The following CACNA1E variants were observed in gnomAD, a reference collection of about 807,000 sequenced individuals.
CACNA1E encodes voltage-dependent R-type calcium channel subunit alpha-1E.
CACNA1E carries 40 observed loss-of-function variants against 259.2 expected under a neutral mutation model. The ratio of observed to expected loss-of-function variants is 0.15; its 90% CI spans 0.12 to 0.20. The LOEUF (loss-of-function observed/expected upper bound fraction) is 0.20. Ranked by LOEUF, CACNA1E falls within the 10% of genes least tolerant of loss-of-function variation. CACNA1E has a pLI of 1.00. For synonymous variants in CACNA1E, 1,104 were observed against 1,138.5 expected (o/e 0.97, Z 0.61); for missense variants, 1,874 against 3,040.1 (o/e 0.62, Z 9.02).
rs138133949 is a variant in CACNA1E at position 181,585,474 on chromosome 1, A to T, written c.951+4698A>T. Among the ~76,000 whole-genome samples the T allele has an allele frequency of 3.7e-3, 563 of 152,364 alleles. 3 individuals carry two copies. The highest frequency in any genetic ancestry group is 0.012 in the African/African-American group (501 of 41,582). ...TACAGTAGAGAGTAAAACATAGGAA[A>T]GTCCCGGCCCTCATGGAACTTATAT... On this transcript the variant is annotated intron_variant, in intron 6 of 47. Transcript: ENST00000367573.
rs190754858 is a variant in CACNA1E at position 181,802,894 on chromosome 1, G to A, written c.*4060G>A. ...GTGGTTGGGGCCAGGGACAGGTTGA[G>A]GGATATTTCTCGGCTCATTTATAAG... On this transcript the variant is annotated 3_prime_UTR_variant, in exon 48 of 48. Coordinates refer to ENST00000367573, the MANE Select transcript of CACNA1E (RefSeq NM_001205293.3). The A allele has an allele frequency of 3.3e-5, 5 of 152,312 alleles. No homozygotes were observed. The highest frequency in any genetic ancestry group is 9.6e-5 in the African/African-American group (4 of 41,560). The allele number at this position is 152,312 out of a possible 1,614,324, so 9.4% of individuals were successfully genotyped here.
chr1:181,377,609 A>G (rs1394810968), intron 1 of CACNA1E, among the ~76,000 whole-genome samples: 6 of 152,216 alleles, frequency 3.9e-5, no homozygotes, highest in Non-Finnish European at 8.8e-5. Flanking sequence ...GGAGAAATTG[A>G]AAGCAAGGAG....
In CACNA1E at chr1:181,754,900, A is replaced by C. The variant is rs114809406; in HGVS notation, c.3829-337A>C. Among the ~76,000 whole-genome samples, 3 of 152,240 alleles carry C rather than the reference A, an allele frequency of 2.0e-5. No homozygotes were observed. The South Asian group carries it at 6.2e-4, about 32-fold the overall frequency. ...ATGATCTCAAATATTCCTTCCAGCT[A>C]TACACTTCTATGCTTCACACTAAGT... On this transcript the variant is annotated intron_variant, in intron 27 of 47. Transcript: ENST00000367573.
chr1:181,372,266 A>ATTTC (rs1654759185), intron 1 of CACNA1E, among the ~76,000 whole-genome samples: 1 of 151,896 alleles, frequency 6.6e-6, no homozygotes, highest in Non-Finnish European at 1.5e-5. Flanking sequence ...GTTGTCTCTG[A>ATTTC]TTTCTTTCAG....
chr1:181,599,796 G>A (rs1008624576), intron 6 of CACNA1E, among the ~76,000 whole-genome samples: 1 of 152,314 alleles, frequency 6.6e-6, no homozygotes, highest in Admixed American at 6.5e-5. Context: ...AAAACACAAA[G>A]CCTATGTTAA....
chr1:181,543,982 A>G (rs1161127404), intron 3 of CACNA1E, among the ~76,000 whole-genome samples: 2 of 152,224 alleles, frequency 1.3e-5, no homozygotes, highest in African/African-American at 2.4e-5. Context: ...AAATTTTAAG[A>G]GGCATAACAT....
chr1:181,510,387 G>A (rs1378539036), intron 1 of CACNA1E, 90 bp from the exon 2 acceptor site: 5 of 809,898 alleles, frequency 6.2e-6, no homozygotes, highest in Admixed American at 1.9e-5. Context: ...GACACAATGC[G>A]GGTTGATAGA....
At chr1:181,382,885 G>T (rs1267160002) in intron 1 of CACNA1E, among the ~76,000 whole-genome samples, 5 of 152,102 alleles carry the variant, frequency 3.3e-5, no homozygotes, top group Non-Finnish European at 5.9e-5. Flanking sequence ...TGTAAAGTGG[G>T]ACTCATGCAG....
chr1:181,412,458 TACTC>T (rs1482616200), intron 1 of CACNA1E, among the ~76,000 whole-genome samples: 1 of 152,028 alleles, frequency 6.6e-6, no homozygotes, highest in African/African-American at 2.4e-5. Flanking sequence ...TGGTTCCAGT[TACTC>T]AGGAGGCTGA....
chr1:181,672,464 G>T (rs530926445), intron 7 of CACNA1E, among the ~76,000 whole-genome samples: 1 of 152,312 alleles, frequency 6.6e-6, no homozygotes, highest in South Asian at 2.1e-4. Flanking sequence ...TCTTCCAAAG[G>T]TAATGATCTG....
chr1:181,599,108 CT>C (rs1416622811), intron 6 of CACNA1E, among the ~76,000 whole-genome samples: 1 of 152,038 alleles, frequency 6.6e-6, no homozygotes, highest in African/African-American at 2.4e-5. Context: ...CCTCTCCCCC[CT>C]CCCCACTCTT....
Position 181,799,084 on chromosome 1 carries a change from T to G in CACNA1E, c.*250T>G, listed in dbSNP as rs1051322721. ...TTGCTGGGGAAAGAAACCAGGAACG[T>G]GGAGGGTTATTACTGCGGGAGAAGG... On this transcript the variant is annotated 3_prime_UTR_variant, in exon 48 of 48. Coordinates refer to ENST00000367573, the MANE Select transcript of CACNA1E (RefSeq NM_001205293.3). 1 of 388,540 alleles carries G rather than the reference T, an allele frequency of 2.6e-6. No homozygotes were observed. The highest frequency in any genetic ancestry group is 4.2e-5 in the Admixed American group (1 of 23,866). 24.1% of individuals were successfully genotyped at this position (388,540 alleles called of 1,614,324 possible). A position where few individuals can be genotyped will look rare whatever the true frequency, so the allele number is the denominator to read the frequency against.
chr1:181,554,583 T>G (rs1648528399), intron 3 of CACNA1E, among the ~76,000 whole-genome samples: 1 of 152,210 alleles, frequency 6.6e-6, no homozygotes, highest in South Asian at 2.1e-4. Flanking sequence ...ACAATGCCAA[T>G]AGTGATACTA....
chr1:181,561,467 C>G (rs532771863), intron 3 of CACNA1E, among the ~76,000 whole-genome samples: 1 of 152,304 alleles, frequency 6.6e-6, no homozygotes, highest in East Asian at 1.9e-4. Flanking sequence ...TTCTCTTCAT[C>G]CTCAGCCTCT....
At chr1:181,781,129 G>A (rs1467519997) in intron 38 of CACNA1E, among the ~76,000 whole-genome samples, 1 of 152,186 alleles carries the variant, frequency 6.6e-6, no homozygotes, top group African/African-American at 2.4e-5. Flanking sequence ...GAGTCATAGG[G>A]ACTGAAGGTT....
At position 181,798,756 on chromosome 1, in the gene CACNA1E, CG is replaced by C; in HGVS notation, c.6870del (p.Pro2291LeufsTer5). On this transcript the variant is annotated frameshift_variant, in exon 48 of 48. Coordinates refer to ENST00000367573, the MANE Select transcript of CACNA1E (RefSeq NM_001205293.3). LOFTEE classifies it high-confidence loss of function. The surrounding 1 kb of genome is among the most constrained non-coding windows in gnomAD (Gnocchi z 4.2). ...ACGGGCACTATCGGCGGCGGAGGCG[CG>C]GGGGGCCTGGGCCAGGCATGATGTG... is the stretch of plus-strand genomic sequence containing the variant. ...PNGHYRRRRR[G>X]GPGPGMMCGA... The C allele has an allele frequency of 5.6e-6, 9 of 1,601,896 alleles. No individual in the cohort carries two copies. The highest frequency in any genetic ancestry group is 1.7e-4 in the Middle Eastern group (1 of 6,034).
At position 181,742,852 on chromosome 1, in the gene CACNA1E, C is replaced by T. The variant is rs147761074; in HGVS notation, c.3719+3599C>T. 1.3e-3 allele frequency among the ~76,000 whole-genome samples: 194 copies of T among 152,180 alleles called. 1 individual carries two copies. The highest frequency in any genetic ancestry group is 0.011 in the East Asian group (59 of 5,184). On this transcript the variant is annotated intron_variant, in intron 25 of 47. Transcript: ENST00000367573. The stretch of plus-strand genomic sequence containing the variant: ...AGCTGCATACATCAAGTTAAGGGAA[C>T]GTTTATAATGTAAAGCTGGAAAATT...
At chr1:181,565,361 G>C (rs1391519612) in intron 3 of CACNA1E, among the ~76,000 whole-genome samples, 1 of 152,226 alleles carries the variant, frequency 6.6e-6, no homozygotes, top group Non-Finnish European at 1.5e-5. Context: ...AGGTCCACCA[G>C]AATTATTTCC....
intron 6 of CACNA1E, among the ~76,000 whole-genome samples, chr1:181,602,952 G>A (rs12742236): frequency 0.68 from 103,511 of 152,014 alleles, 38,645 homozygotes; most frequent in East Asian, 0.95. Flanking sequence ...GTGGGGGATC[G>A]GAATTGCCAA....
Sources: allele counts gnomAD v4.1 joint callset (sites outside exome capture counted in the v4.1 genomes callset), GRCh38; gene constraint gnomAD v4.1.1; non-coding constraint Gnocchi (gnomAD v3.1); transcripts MANE v1.5; gene names NCBI Gene and HGNC (gene_info 2026-07-23, HGNC 2026-07-21).